Variants in ADAMTSL1 observed in about 807,000 individuals in gnomAD.
ADAMTSL1 encodes the protein ADAMTS like 1, also known as ADAMTS-like protein 1.
ADAMTSL1 carries 126 observed loss-of-function variants against 201.8 expected under a neutral mutation model. The ratio of observed to expected loss-of-function variants is 0.62; its 90% CI spans 0.54 to 0.72. The LOEUF is 0.72. ADAMTSL1 is among the 30% of genes least tolerant of loss of function. ADAMTSL1 has a pLI of 0.00. For missense variants in ADAMTSL1, 2,679 were observed against 2,277.8 expected (o/e 1.18, Z -3.59); for synonymous variants, 1,121 against 903.4 (o/e 1.24, Z -4.32).
intron 1 of ADAMTSL1, among the ~76,000 whole-genome samples, chr9:18,094,628 C>T (rs1824164011): frequency 6.6e-6 from 1 of 151,106 alleles, no homozygotes; most frequent in South Asian, 2.1e-4. Context: ...CTTCTAAATA[C>T]TTTCTAATTG....
chr9:18,454,126 T>C (rs1249741927), intron 2 of ADAMTSL1, among the ~76,000 whole-genome samples: 1 of 152,164 alleles, frequency 6.6e-6, no homozygotes, highest in Non-Finnish European at 1.5e-5. Context: ...ACCCTAAGCA[T>C]AGCTCAGTCT....
At chr9:18,500,883 C>T (rs1352934136) in intron 1 of ADAMTSL1, among the ~76,000 whole-genome samples, 1 of 152,152 alleles carries the variant, frequency 6.6e-6, no homozygotes. Flanking sequence ...CAGCTAAAGA[C>T]CATCATCTCA....
intron 2 of ADAMTSL1, among the ~76,000 whole-genome samples, chr9:18,443,425 A>T (rs1820072497): frequency 6.6e-6 from 1 of 152,204 alleles, no homozygotes; most frequent in Non-Finnish European, 1.5e-5. Flanking sequence ...GCAGGAGAAA[A>T]CTGAACCTTC....
At chr9:18,183,191 A>C (rs890614416) in intron 2 of ADAMTSL1, among the ~76,000 whole-genome samples, 1 of 152,194 alleles carries the variant, frequency 6.6e-6, no homozygotes. Context: ...CAAAAAATTA[A>C]ATCTGGGCAT....
At chr9:17,928,717 C>T (rs1319040098) in intron 1 of ADAMTSL1, among the ~76,000 whole-genome samples, 1 of 152,064 alleles carries the variant, frequency 6.6e-6, no homozygotes, top group African/African-American at 2.4e-5. Flanking sequence ...CAAGACGAGC[C>T]TGGGTGACAG....
chr9:18,660,036 G>A (rs966090595), intron 8 of ADAMTSL1, among the ~76,000 whole-genome samples: 2 of 151,940 alleles, frequency 1.3e-5, no homozygotes, highest in Non-Finnish European at 2.9e-5. Context: ...TACATAATAG[G>A]GACATTGATG....
rs1027423669 is a variant in ADAMTSL1, at chr9:18,827,775, A to G, written c.4114+1312A>G. ...GCTTACTGCATTCCAACTCTAATAC[A>G]GTGTAGCAGTGAACACGGTGTTCGA... On this transcript the variant is annotated intron_variant, in intron 22 of 28. Coordinates refer to ENST00000380548, the MANE Select transcript of ADAMTSL1 (RefSeq NM_001040272.6). Among the ~76,000 whole-genome samples the G allele has an allele frequency of 4.3e-4, 65 of 152,250 alleles. 1 individual carries two copies. Among genetic ancestry groups the G allele is most frequent in the Admixed American group, 3.8e-3 (58 of 15,254 alleles).
Position 18,889,614 on chromosome 9 carries a change from T to C in ADAMTSL1, c.4509T>C (p.Cys1503=). Residue 1503 remains cysteine (C), a synonymous_variant, in exon 25 of 29, where the codon TGT becomes TGC. Transcript: ENST00000380548. The part of the protein sequence containing the change: ...VDRLATCSAS[C]GNRGVQQPRL... Reference sequence around the variant, plus strand: ...GACTGGCAACCTGCTCAGCCTCCTGTGGTAACCGGGGGGTTCAGCAGCCCC... The same window carrying C: ...GACTGGCAACCTGCTCAGCCTCCTGCGGTAACCGGGGGGTTCAGCAGCCCC... The C allele has an allele frequency of 1.9e-6, 3 of 1,613,800 alleles. No homozygotes were observed. Among genetic ancestry groups the C allele is most frequent in the Non-Finnish European group, 2.5e-6 (3 of 1,179,800 alleles).
At chr9:18,376,390 AC>A (rs1837296892) in intron 2 of ADAMTSL1, among the ~76,000 whole-genome samples, 1 of 152,176 alleles carries the variant, frequency 6.6e-6, no homozygotes, top group Non-Finnish European at 1.5e-5. Context: ...TGGAGAGAGA[AC>A]CTGAAAGCAG....
At chr9:18,341,144 C>A (rs1215421417) in intron 2 of ADAMTSL1, among the ~76,000 whole-genome samples, 1 of 152,114 alleles carries the variant, frequency 6.6e-6, no homozygotes, top group Admixed American at 6.6e-5. Flanking sequence ...ATCTTAGCAA[C>A]TTCAAGTTGT....
chr9:18,649,867 G>C (rs1222616581), intron 7 of ADAMTSL1, among the ~76,000 whole-genome samples: 1 of 152,130 alleles, frequency 6.6e-6, no homozygotes. Context: ...GAGGCAGTCT[G>C]CCCGTTCTCA....
intron 1 of ADAMTSL1, among the ~76,000 whole-genome samples, chr9:17,993,516 G>A (rs1195266834): frequency 6.6e-6 from 1 of 152,092 alleles, no homozygotes; most frequent in Admixed American, 6.6e-5. Flanking sequence ...TTACATTCAT[G>A]TCTATTGCTC....
chr9:18,638,167 T>A (rs1034968719), intron 6 of ADAMTSL1, among the ~76,000 whole-genome samples: 7 of 152,198 alleles, frequency 4.6e-5, no homozygotes, highest in African/African-American at 1.4e-4. Flanking sequence ...TCCACAGACT[T>A]CATTTGAGAA....
At chr9:18,875,502 T>C (rs944000753) in intron 23 of ADAMTSL1, among the ~76,000 whole-genome samples, 1 of 152,192 alleles carries the variant, frequency 6.6e-6, no homozygotes, top group Non-Finnish European at 1.5e-5. Context: ...CTTGATTTCA[T>C]TGTCGACACA....
intron 1 of ADAMTSL1, among the ~76,000 whole-genome samples, chr9:18,489,146 G>C (rs2131845887): frequency 6.6e-6 from 1 of 152,262 alleles, no homozygotes; most frequent in Admixed American, 6.5e-5. Context: ...TGAATGTATA[G>C]ACAGAGTTGA....
At chr9:18,500,106 A>C (rs1425646351) in intron 1 of ADAMTSL1, among the ~76,000 whole-genome samples, 1 of 152,198 alleles carries the variant, frequency 6.6e-6, no homozygotes, top group Non-Finnish European at 1.5e-5. Context: ...TCTAAGGTGA[A>C]GTGTCTATTG....
At chr9:18,206,298 A>G (rs1443260582) in intron 2 of ADAMTSL1, among the ~76,000 whole-genome samples, 1 of 151,818 alleles carries the variant, frequency 6.6e-6, no homozygotes, top group Non-Finnish European at 1.5e-5. Flanking sequence ...ACACTATTTG[A>G]TTTATATTCT....
intron 1 of ADAMTSL1, among the ~76,000 whole-genome samples, chr9:18,159,261 C>T (rs948410881): frequency 1.3e-5 from 2 of 152,048 alleles, no homozygotes; most frequent in South Asian, 2.1e-4. Flanking sequence ...AATTTTTAAC[C>T]GTGTGGTTTT....
chr9:17,976,613 A>G (rs1563929230), intron 1 of ADAMTSL1, among the ~76,000 whole-genome samples: 1 of 151,494 alleles, frequency 6.6e-6, no homozygotes, highest in Admixed American at 6.6e-5. Flanking sequence ...GAGTTCTTTG[A>G]TCAGTCCTAA....
Sources: allele counts gnomAD v4.1 joint callset (sites outside exome capture counted in the v4.1 genomes callset), GRCh38; gene constraint gnomAD v4.1.1; transcripts MANE v1.5; gene names NCBI Gene and HGNC (gene_info 2026-07-23, HGNC 2026-07-21).